The following FBXO41 variants were observed in gnomAD, a reference collection of about 807,000 sequenced individuals.
FBXO41 encodes F-box protein 41, also known as F-box only protein 41.
In FBXO41, 33 loss-of-function variants were observed where a neutral mutation model predicts 81.6. That is an observed-to-expected ratio of 0.40 (90% CI 0.31 to 0.54). The LOEUF is 0.54. FBXO41 is among the 20% of genes least tolerant of loss of function. FBXO41 has a pLI of 0.39. For missense variants in FBXO41, 1,107 were observed against 1,236.0 expected, an observed-to-expected ratio of 0.90 and a Z score of 1.56; for synonymous variants, 576 against 552.7, an observed-to-expected ratio of 1.04 and a Z score of -0.59.
In FBXO41 at chr2:73,269,364, G is replaced by A. The variant is rs1688407815; in HGVS notation, c.267C>T (p.Phe89=). 6 of 1,509,142 alleles carry A rather than the reference G, an allele frequency of 4.0e-6. No individual in the cohort carries two copies. Among genetic ancestry groups the A allele is most frequent in the Non-Finnish European group, 3.5e-6 (4 of 1,131,400 alleles). The allele number at this position is 1,509,142 out of a possible 1,614,324, so 93.5% of individuals were successfully genotyped here. A position where few individuals can be genotyped will look rare whatever the true frequency, so the allele number is the denominator to read the frequency against. The stretch of plus-strand genomic sequence containing the variant: ...GCCCGGCCGCCTGCTCCTTGCCCTG[G>A]AAGGAAGTGCTCTCGAAGACCTCTC... ...ARREVFESTS[F]QGKEQAAGPS... is the part of the protein sequence containing the mutation. Residue 89 remains phenylalanine, a synonymous_variant, in exon 2 of 13, where the codon TTC becomes TTT. Coordinates refer to ENST00000520530, the MANE Select transcript of FBXO41 (RefSeq NM_001371389.2). This position sits in a 1 kb window ranked among gnomAD's most constrained non-coding sequence, Gnocchi z 7.0.
chr2:73,276,605 GGAGAGAGGGAGAGAGGGAGA>G (rs1688696207), intron 1 of FBXO41, among the ~76,000 whole-genome samples: 1 of 46,238 alleles, frequency 2.2e-5, no homozygotes, highest in Non-Finnish European at 3.6e-5. Context: ...AGAGAGAGAG[GGAGAGAGGGAGAGAGGGAGA>G]GAATGCATTT....
In FBXO41 at chr2:73,268,785, C is replaced by G. The variant is rs1311573714; in HGVS notation, c.846G>C (p.Leu282=). ...LSRQVDVSVE[L]LASLKQDLVH... ...CCAGGTCCTGCTTGAGTGAGGCCAGCAGCTCTACGCTCACGTCCACCTGGC... is the reference window on the plus strand; with the variant it reads ...CCAGGTCCTGCTTGAGTGAGGCCAGGAGCTCTACGCTCACGTCCACCTGGC... The change falls in exon 2 of 13, where the codon CTG becomes CTC. Residue 282 remains leucine, a synonymous_variant. Coordinates refer to ENST00000520530, the MANE Select transcript of FBXO41 (RefSeq NM_001371389.2). 8 of 1,580,618 alleles carry G rather than the reference C, an allele frequency of 5.1e-6. No individual in the cohort carries two copies. The South Asian group carries it at 9.3e-5, about 18-fold the overall frequency.
At position 73,269,249 on chromosome 2, in the gene FBXO41, G is replaced by A. The variant is rs1456909337; in HGVS notation, c.382C>T (p.Pro128Ser). Residue 128 changes from proline (P) to serine (S), a missense_variant, in exon 2 of 13, where the codon CCC (proline) becomes TCC (serine). Pro to Ser is a moderately conservative substitution (Grantham distance 74, BLOSUM62 -1). This residue lies in a region of FBXO41 where 771 missense variants were observed against 789.2 expected (regional missense o/e 0.98). Transcript: ENST00000520530. This position sits in a 1 kb window ranked among gnomAD's most constrained non-coding sequence, Gnocchi z 7.0. ...FPGDLVPASL[P>S]CEELAEPGLV... The stretch of plus-strand genomic sequence containing the variant: ...CCCGGCTCGGCCAACTCCTCACAGG[G>A]CAGGCTAGCGGGCACCAGGTCGCCG... 2 of 1,530,834 alleles carry A rather than the reference G, an allele frequency of 1.3e-6. No homozygotes were observed. The highest frequency in any genetic ancestry group is 2.0e-5 in the Admixed American group (1 of 49,658). 94.8% of individuals were successfully genotyped at this position (1,530,834 alleles called of 1,614,324 possible). A position where few individuals can be genotyped will look rare whatever the true frequency, so the allele number is the denominator to read the frequency against.
intron 1 of FBXO41, among the ~76,000 whole-genome samples, chr2:73,279,575 G>A (rs552367672): frequency 6.4e-4 from 97 of 152,208 alleles, no homozygotes; most frequent in African/African-American, 2.3e-3. Flanking sequence ...AGAGGAGTGA[G>A]CAACAGTGGA....
intron 1 of FBXO41, among the ~76,000 whole-genome samples, chr2:73,273,335 A>G (rs1688595840): frequency 7.3e-6 from 1 of 136,650 alleles, no homozygotes; most frequent in South Asian, 2.4e-4. Context: ...TACACAGTAA[A>G]GGGGGTCTGT....
Position 73,260,147 on chromosome 2 carries a change from G to A in FBXO41, c.2449+242C>T, listed in dbSNP as rs1340462614. On this transcript the variant is annotated intron_variant, in intron 11 of 12. Coordinates refer to ENST00000520530, the MANE Select transcript of FBXO41 (RefSeq NM_001371389.2). The surrounding 1 kb of genome is among the most constrained non-coding windows in gnomAD (Gnocchi z 5.0). ...TCCTAGAAAGTCAGCTTAGAAGATG[G>A]GAATACAGGACTCAGAGAGGTATAG... 6.6e-6 allele frequency among the ~76,000 whole-genome samples: 1 copy of A among 152,100 alleles called. No homozygotes were observed. Among genetic ancestry groups the A allele is most frequent in the African/African-American group, 2.4e-5 (1 of 41,396 alleles).
chr2:73,273,166 A>G (rs576291728), intron 1 of FBXO41: 16 of 152,290 alleles, frequency 1.1e-4, no homozygotes, highest in African/African-American at 2.9e-4. Flanking sequence ...TACCTAACCA[A>G]ACAAACAGCC....
chr2:73,274,338 T>C (rs1449504886), intron 1 of FBXO41, among the ~76,000 whole-genome samples: 1 of 152,244 alleles, frequency 6.6e-6, no homozygotes, highest in African/African-American at 2.4e-5. Flanking sequence ...ACTTTGCTCA[T>C]TTTCATACTG....
At position 73,269,086 on chromosome 2, in the gene FBXO41, C is replaced by A; in HGVS notation, c.545G>T (p.Gly182Val). 6.6e-7 allele frequency: 1 copy of A among 1,508,938 alleles called. No homozygotes were observed. Among genetic ancestry groups the A allele is most frequent in the Non-Finnish European group, 8.8e-7 (1 of 1,136,128 alleles). 93.5% of individuals were successfully genotyped at this position (1,508,938 alleles called of 1,614,324 possible). A position where few individuals can be genotyped will look rare whatever the true frequency, so the allele number is the denominator to read the frequency against. The change falls in exon 2 of 13, where the codon GGG (glycine) becomes GTG (valine). Residue 182 changes from glycine to valine, a missense_variant. Around this residue, in one of 2 missense-constraint regions of FBXO41, gnomAD observed 771 missense variants for 789.2 expected, o/e 0.98. Transcript: ENST00000520530. This position sits in a 1 kb window ranked among gnomAD's most constrained non-coding sequence, Gnocchi z 7.0. Reference sequence around the variant, plus strand: ...GGACGCGGGCGAAGCGGAGGCAGGCCCGGGGCAAGGGCCGGGGCCGGGGCC... The same window carrying A: ...GGACGCGGGCGAAGCGGAGGCAGGCACGGGGCAAGGGCCGGGGCCGGGGCC... ...PPGPGPGPCPGPASASPASPS... is the reference protein window; with the variant it reads ...PPGPGPGPCPVPASASPASPS...
chr2:73,269,741 A>C lies in FBXO41; in HGVS notation c.-111T>G. 12 of 708,732 alleles carry C rather than the reference A, an allele frequency of 1.7e-5. No individual in the cohort carries two copies. The highest frequency in any genetic ancestry group is 2.2e-5 in the Non-Finnish European group (12 of 552,528). The allele number at this position is 708,732 out of a possible 1,614,324, so 43.9% of individuals were successfully genotyped here. ...GCCCCCTGCGGGGTCAGGAAGGCTC[A>C]GGGCGCCCGCGGCCTGGGGCGAGGA... On this transcript the variant is annotated 5_prime_UTR_variant, in exon 2 of 13. Transcript: ENST00000520530. This position sits in a 1 kb window ranked among gnomAD's most constrained non-coding sequence, Gnocchi z 7.0.
rs557012136 is a variant in FBXO41, at chr2:73,259,165, A to C, written c.2565+16T>G. The C allele has an allele frequency of 1.2e-6, 2 of 1,613,246 alleles. No individual in the cohort carries two copies. The highest frequency in any genetic ancestry group is 1.7e-6 in the Non-Finnish European group (2 of 1,179,154). ...GCCACTTGGGGTCTTGGACAGCCTC[A>C]GAGCTGACCCCTCACCTGGAGTTTT... On this transcript the variant is annotated intron_variant, in intron 12 of 12. Transcript: ENST00000520530. The surrounding 1 kb of genome is among the most constrained non-coding windows in gnomAD (Gnocchi z 4.2).
In FBXO41 at chr2:73,259,043, G is replaced by A; in HGVS notation, c.2567C>T (p.Ala856Val). The A allele has an allele frequency of 6.2e-7, 1 of 1,603,740 alleles. No homozygotes were observed. The highest frequency in any genetic ancestry group is 1.1e-5 in the South Asian group (1 of 89,378). Residue 856 changes from alanine to valine, a missense_variant and splice_region_variant, in exon 13 of 13, where the codon GCT (alanine) becomes GTT (valine). By Grantham distance (64) the Ala-to-Val change is moderately conservative. Around this residue, in one of 2 missense-constraint regions of FBXO41, gnomAD observed 336 missense variants for 446.7 expected, o/e 0.75. Coordinates refer to ENST00000520530, the MANE Select transcript of FBXO41 (RefSeq NM_001371389.2). This position sits in a 1 kb window ranked among gnomAD's most constrained non-coding sequence, Gnocchi z 4.2. ...AGAGAAGCCGGGCCTCCGTCGCAGA[G>A]CCTGCGGACCGAACCCTGGGTTAGT... ...LFEDMVTKLQ[A>V]LRRRPGFSKI...
chr2:73,266,747 G>T lies in FBXO41; in HGVS notation c.906-65C>A. On this transcript the variant is annotated intron_variant, in intron 2 of 12. Transcript: ENST00000520530. The surrounding 1 kb of genome is among the most constrained non-coding windows in gnomAD (Gnocchi z 5.3). ...GCCTGCCCACCCACCCTCTGGAGGA[G>T]AGCCTGGCCAGTGCGGGGAGACACT... 6.8e-7 allele frequency: 1 copy of T among 1,473,210 alleles called. No individual in the cohort carries two copies. The highest frequency in any genetic ancestry group is 2.4e-5 in the Admixed American group (1 of 42,122). The allele number at this position is 1,473,210 out of a possible 1,614,324, so 91.3% of individuals were successfully genotyped here.
intron 2 of FBXO41, among the ~76,000 whole-genome samples, chr2:73,268,094 G>A (rs1364242639): frequency 6.6e-6 from 1 of 152,188 alleles, no homozygotes; most frequent in Admixed American, 6.5e-5. Context: ...AGTGAAGAAG[G>A]CATGTCAGGG....
Position 73,266,110 on chromosome 2 carries a change from A to C in FBXO41, c.1132-144T>G, listed in dbSNP as rs1688264831. 2 of 788,418 alleles carry C rather than the reference A, an allele frequency of 2.5e-6. No homozygotes were observed. Among genetic ancestry groups the C allele is most frequent in the Admixed American group, 2.2e-5 (1 of 45,954 alleles). The allele number at this position is 788,418 out of a possible 1,614,324, so 48.8% of individuals were successfully genotyped here. A position where few individuals can be genotyped will look rare whatever the true frequency, so the allele number is the denominator to read the frequency against. On this transcript the variant is annotated intron_variant, in intron 3 of 12. Coordinates refer to ENST00000520530, the MANE Select transcript of FBXO41 (RefSeq NM_001371389.2). The surrounding 1 kb of genome is among the most constrained non-coding windows in gnomAD (Gnocchi z 5.3). ...GGAAAATAGTTGGGAAAGATGGACA[A>C]ATGGACAGACAGACAGCCCAGAGAG...
chr2:73,276,991 G>A (rs1444367911), intron 1 of FBXO41, among the ~76,000 whole-genome samples: 1 of 152,192 alleles, frequency 6.6e-6, no homozygotes, highest in Admixed American at 6.5e-5. Flanking sequence ...CCTGTGGGGG[G>A]CATCTTTCAG....
intron 1 of FBXO41, among the ~76,000 whole-genome samples, chr2:73,276,511 G>C (rs562373301): frequency 3.6e-4 from 53 of 147,866 alleles, no homozygotes; most frequent in Non-Finnish European, 3.1e-4. Context: ...TCCAAAACAT[G>C]GTTCTTTGAA....
rs767553157 is a variant in FBXO41, at chr2:73,264,071, G to A, written c.1807-18C>T. 1.3e-5 allele frequency: 21 copies of A among 1,572,016 alleles called. No individual in the cohort carries two copies. The Middle Eastern group carries it at 5.0e-4, about 37-fold the overall frequency. ...GCCAGGAACTGTGGGGGAGGGGAAG[G>A]ACATTTGGAGATGAAGGGGTCTGAA... On this transcript the variant is annotated intron_variant, in intron 6 of 12. Transcript: ENST00000520530.
chr2:73,265,373 G>T lies in FBXO41; in HGVS notation c.1473C>A (p.Ser491=). The T allele has an allele frequency of 6.2e-7, 1 of 1,611,848 alleles. No individual in the cohort carries two copies. ...GEEGDVSDVG[S]RTTESEAEGP... ...CCTCAGCCTCTGACTCAGTGGTTCG[G>T]GAGCCAACGTCGGAGACATCACCCT... The change falls in exon 5 of 13, where the codon TCC becomes TCA. Residue 491 remains serine (S), a synonymous_variant. Coordinates refer to ENST00000520530, the MANE Select transcript of FBXO41 (RefSeq NM_001371389.2).
Sources: allele counts gnomAD v4.1 joint callset (sites outside exome capture counted in the v4.1 genomes callset), GRCh38; gene constraint gnomAD v4.1.1; regional missense constraint gnomAD v4.1.1; non-coding constraint Gnocchi (gnomAD v3.1); transcripts MANE v1.5; gene names NCBI Gene and HGNC (gene_info 2026-07-23, HGNC 2026-07-21).